Variants in SPOCK1 observed in about 807,000 individuals in gnomAD.
The protein encoded by SPOCK1 is SPARC (osteonectin), cwcv and kazal like domains proteoglycan 1.
In SPOCK1, 23 loss-of-function variants were observed where a neutral mutation model predicts 55.3. The ratio of observed to expected loss-of-function variants is 0.42; its 90% CI spans 0.30 to 0.59. The LOEUF is 0.59. SPOCK1 is among the 20% of genes least tolerant of loss of function. The pLI is 0.22. For synonymous variants in SPOCK1, 226 were observed against 221.0 expected, an observed-to-expected ratio of 1.02 and a Z score of -0.20; for missense variants, 499 against 552.5, an observed-to-expected ratio of 0.90 and a Z score of 0.97.
chr5:137,396,608 T>C (rs906589999), intron 2 of SPOCK1, among the ~76,000 whole-genome samples: 3 of 152,200 alleles, frequency 2.0e-5, no homozygotes, highest in African/African-American at 7.2e-5. Flanking sequence ...TGAGCACACA[T>C]CTAGGTTGTG....
chr5:137,438,963 G>T (rs150776705), intron 2 of SPOCK1, among the ~76,000 whole-genome samples: 3 of 152,190 alleles, frequency 2.0e-5, no homozygotes, highest in Non-Finnish European at 2.9e-5. Flanking sequence ...ACTTAAGAGG[G>T]TGCAATGCAT....
chr5:137,095,485 T>A (rs1192328735), intron 5 of SPOCK1, among the ~76,000 whole-genome samples: 2 of 152,260 alleles, frequency 1.3e-5, no homozygotes, highest in African/African-American at 4.8e-5. Flanking sequence ...GGTTGTGTTA[T>A]CTTAGGCAAG....
intron 6 of SPOCK1, among the ~76,000 whole-genome samples, chr5:137,021,817 C>A (rs1214527097): frequency 6.6e-6 from 1 of 151,988 alleles, no homozygotes; most frequent in Non-Finnish European, 1.5e-5. Context: ...GCTCAAGATG[C>A]AGTTGATTTT....
chr5:137,001,544 T>TC (rs1751149115), intron 6 of SPOCK1, among the ~76,000 whole-genome samples: 1 of 152,080 alleles, frequency 6.6e-6, no homozygotes, highest in African/African-American at 2.4e-5. Flanking sequence ...AGAAAATACC[T>TC]CCTCCACAAG....
chr5:137,412,028 C>T (rs932515119), intron 2 of SPOCK1, among the ~76,000 whole-genome samples: 3 of 152,132 alleles, frequency 2.0e-5, no homozygotes, highest in African/African-American at 7.2e-5. Flanking sequence ...GATGCAGAGC[C>T]CTCGGACTCC....
chr5:137,382,936 T>TA (rs1751506629), intron 2 of SPOCK1, among the ~76,000 whole-genome samples: 1 of 152,166 alleles, frequency 6.6e-6, no homozygotes. Flanking sequence ...ATGAAATAAG[T>TA]AAAAAATGGC....
At chr5:137,390,487 CT>C (rs1751695574) in intron 2 of SPOCK1, among the ~76,000 whole-genome samples, 1 of 152,050 alleles carries the variant, frequency 6.6e-6, no homozygotes, top group Non-Finnish European at 1.5e-5. Context: ...GAAGAAGGTC[CT>C]TGTGAGGTCT....
intron 6 of SPOCK1, among the ~76,000 whole-genome samples, chr5:137,042,657 T>C (rs764045657): frequency 2.6e-5 from 4 of 152,112 alleles, no homozygotes; most frequent in African/African-American, 4.8e-5. Context: ...ATAATTTTGA[T>C]ACTGGGATTA....
At chr5:137,178,387 G>A (rs1025170402) in intron 3 of SPOCK1, among the ~76,000 whole-genome samples, 4 of 152,144 alleles carry the variant, frequency 2.6e-5, no homozygotes, top group Admixed American at 6.5e-5. Flanking sequence ...CCTTCTTAGC[G>A]GGCAAAAAGA....
intron 6 of SPOCK1, among the ~76,000 whole-genome samples, chr5:137,050,986 C>T (rs913198474): frequency 6.6e-6 from 1 of 152,192 alleles, no homozygotes; most frequent in East Asian, 1.9e-4. Context: ...CTAAAGTTAT[C>T]AATTCTTCTC....
At chr5:137,169,447 AAT>A (rs1385780376) in intron 3 of SPOCK1, among the ~76,000 whole-genome samples, 1 of 152,048 alleles carries the variant, frequency 6.6e-6, no homozygotes, top group Non-Finnish European at 1.5e-5. Flanking sequence ...GTACCCAACA[AAT>A]ATATATACCT....
At chr5:137,438,879 A>G (rs940243277) in intron 2 of SPOCK1, among the ~76,000 whole-genome samples, 1 of 152,218 alleles carries the variant, frequency 6.6e-6, no homozygotes, top group Non-Finnish European at 1.5e-5. Flanking sequence ...CAGCTGTAAA[A>G]GTCCATGATA....
At chr5:137,424,887 T>C (rs1204596335) in intron 2 of SPOCK1, among the ~76,000 whole-genome samples, 1 of 152,206 alleles carries the variant, frequency 6.6e-6, no homozygotes, top group Non-Finnish European at 1.5e-5. Context: ...TAAATCTTGA[T>C]GGTGGTGGTA....
Position 137,242,758 on chromosome 5 carries a change from T to C in SPOCK1, c.232+24252A>G, listed in dbSNP as rs572209754. ...GTACCCCCAACCCCCAAAAAAACCA[T>C]ACAGTTGTAGAAGAATAAAAAAGTT... On this transcript the variant is annotated intron_variant, in intron 3 of 10. Transcript: ENST00000394945. Among the ~76,000 whole-genome samples, 137 of 152,118 alleles carry C rather than the reference T, an allele frequency of 9.0e-4. 1 individual carries two copies. The highest frequency in any genetic ancestry group is 3.2e-3 in the African/African-American group (131 of 41,510).
At chr5:137,165,080 T>C (rs1393930818) in intron 3 of SPOCK1, among the ~76,000 whole-genome samples, 2 of 152,144 alleles carry the variant, frequency 1.3e-5, no homozygotes, top group African/African-American at 4.8e-5. Context: ...ACATAAGCCA[T>C]AGCCAGGAAG....
Position 137,037,032 on chromosome 5 carries a change from C to A in SPOCK1, c.589+30683G>T, listed in dbSNP as rs116370244. ...CTAGAACCAGCAGGTGCTCTCGCTC[C>A]GATAGTGGCAATTAGAGCTTAAGCT... On this transcript the variant is annotated intron_variant, in intron 6 of 10. Transcript: ENST00000394945. 3.9e-5 allele frequency among the ~76,000 whole-genome samples: 6 copies of A among 152,002 alleles called. No individual in the cohort carries two copies. In the East Asian group the frequency reaches 1.2e-3, roughly 29 times the overall value.
chr5:137,352,109 C>A (rs926435319), intron 2 of SPOCK1, among the ~76,000 whole-genome samples: 2 of 152,194 alleles, frequency 1.3e-5, no homozygotes, highest in Non-Finnish European at 2.9e-5. Context: ...TCTCTTCCCC[C>A]TCATGAGTAA....
chr5:136,992,921 C>T (rs1483790569), intron 6 of SPOCK1: 4 of 223,170 alleles, frequency 1.8e-5, no homozygotes, highest in Non-Finnish European at 1.7e-5. Flanking sequence ...TTTTGCTAAC[C>T]GCATAAAGCT....
chr5:137,313,491 CA>C, intron 2 of SPOCK1: 4 of 985,354 alleles, frequency 4.1e-6, no homozygotes, highest in Non-Finnish European at 4.8e-6. Context: ...GACACCCACC[CA>C]AAACAAGGAC....
Sources: gnomAD v4.1 joint callset for allele counts (sites outside exome capture counted in the v4.1 genomes callset) on GRCh38, gnomAD v4.1.1 for gene constraint, MANE v1.5 for transcripts, NCBI Gene and HGNC (gene_info 2026-07-23, HGNC 2026-07-21) for gene names.